Variants in CCDC18 observed in about 807,000 individuals in gnomAD.
CCDC18 encodes coiled-coil domain-containing protein 18.
CCDC18 carries 157 observed loss-of-function variants against 196.0 expected under a neutral mutation model. That is an observed-to-expected ratio of 0.80 (90% CI 0.70 to 0.91). CCDC18 has a LOEUF of 0.91. Among genes scored for constraint, CCDC18 ranks in the 40% least tolerant of loss-of-function variants. The pLI, the probability that CCDC18 is intolerant of heterozygous loss-of-function variation, is 0.00. For synonymous variants in CCDC18, 482 were observed against 529.2 expected (o/e 0.91, Z 1.22); for missense variants, 1,465 against 1,611.6 (o/e 0.91, Z 1.56).
At chr1:93,192,558 A>G (rs578100247) in intron 5 of CCDC18, among the ~76,000 whole-genome samples, 175 of 152,286 alleles carry the variant, frequency 1.1e-3, no homozygotes, top group Non-Finnish European at 1.8e-3. Context: ...CAGCCTCCCA[A>G]GGAGGTGGGA....
In CCDC18 at chr1:93,212,247, G is replaced by C; in HGVS notation, c.1481G>C (p.Gly494Ala). 2 of 1,585,354 alleles carry C rather than the reference G, an allele frequency of 1.3e-6. No homozygotes were observed. The highest frequency in any genetic ancestry group is 1.7e-6 in the Non-Finnish European group (2 of 1,169,108). The change falls in exon 11 of 29, where the codon GGT becomes GCT. Residue 494 changes from glycine to alanine, a missense_variant. Transcript: ENST00000690025. ...SSLETEPVKLGGHQVAESVKD... is the reference protein window; with the variant it reads ...SSLETEPVKLAGHQVAESVKD... ...TTAGAAACAGAACCTGTAAAGCTAG[G>C]TGGTCATCAAGTAGGTAAGTATATT... is the stretch of plus-strand genomic sequence containing the variant.
chr1:93,248,345 G>A (rs1295259451), intron 23 of CCDC18, among the ~76,000 whole-genome samples: 4 of 152,028 alleles, frequency 2.6e-5, no homozygotes, highest in African/African-American at 9.7e-5. Flanking sequence ...AATTTGTTGA[G>A]AGCTTTTATA....
intron 6 of CCDC18, among the ~76,000 whole-genome samples, chr1:93,195,199 G>A (rs1652521409): frequency 6.6e-6 from 1 of 152,188 alleles, no homozygotes; most frequent in Non-Finnish European, 1.5e-5. Context: ...CACAAAGTGA[G>A]TAAGTGGGGG....
Position 93,183,421 on chromosome 1 carries a change from A to G in CCDC18, c.60A>G (p.Ala20=). The G allele has an allele frequency of 6.2e-7, 1 of 1,607,374 alleles. No individual in the cohort carries two copies. Among genetic ancestry groups the G allele is most frequent in the Non-Finnish European group, 8.5e-7 (1 of 1,175,754 alleles). ...ACAATGAAGAGGAAAGTTTGCTTGC[A>G]AATGTTGCTTCCTTAAGACATGAAC... is the stretch of plus-strand genomic sequence containing the variant. ...NKDNEEESLL[A]NVASLRHELK... is the part of the protein sequence containing the mutation. Residue 20 remains alanine (A), a synonymous_variant, in exon 2 of 29, where the codon GCA becomes GCG. Coordinates refer to ENST00000690025, the MANE Select transcript of CCDC18 (RefSeq NM_001378204.1).
chr1:93,197,548 A>T (rs1256784896), intron 6 of CCDC18, among the ~76,000 whole-genome samples: 1 of 151,736 alleles, frequency 6.6e-6, no homozygotes, highest in African/African-American at 2.4e-5. Flanking sequence ...GTGTGTGTAT[A>T]TATATAGCTA....
intron 6 of CCDC18, among the ~76,000 whole-genome samples, chr1:93,196,373 C>T (rs530704183): frequency 2.0e-5 from 3 of 148,002 alleles, no homozygotes; most frequent in African/African-American, 7.3e-5. Context: ...AAATACTCAC[C>T]AAAGCAAAGT....
intron 21 of CCDC18, among the ~76,000 whole-genome samples, chr1:93,245,789 A>G (rs1399237553): frequency 1.3e-5 from 2 of 152,112 alleles, no homozygotes; most frequent in Admixed American, 6.5e-5. Context: ...AAAAATGTGG[A>G]TATGTATTTT....
In CCDC18 at chr1:93,193,692, G is replaced by A. The variant is rs1652224247; in HGVS notation, c.646G>A (p.Glu216Lys). ...ACAGAGTTTGCAGGAGTCCAAAGAGGAATGTATAAAATTAAAGGTGGACTT... is the reference window on the plus strand; with the variant it reads ...ACAGAGTTTGCAGGAGTCCAAAGAGAAATGTATAAAATTAAAGGTGGACTT... Reference protein sequence around the residue: ...KEQSLQESKEECIKLKVDLLE... With the variant: ...KEQSLQESKEKCIKLKVDLLE... The change falls in exon 6 of 29, where the codon GAA becomes AAA. Residue 216 changes from glutamate to lysine, a missense_variant. Physicochemically the swap from Glu to Lys is moderately conservative, Grantham distance 56. Coordinates refer to ENST00000690025, the MANE Select transcript of CCDC18 (RefSeq NM_001378204.1). 6 of 1,588,828 alleles carry A rather than the reference G, an allele frequency of 3.8e-6. No individual in the cohort carries two copies. Among genetic ancestry groups the A allele is most frequent in the Non-Finnish European group, 4.3e-6 (5 of 1,170,276 alleles).
rs1027796112 is a variant in CCDC18, at chr1:93,246,093, G to C, written c.2982-12G>C. On this transcript the variant is annotated splice_polypyrimidine_tract_variant and intron_variant, in intron 21 of 28. Transcript: ENST00000690025. ...CTATCTGCTTTGATCTTTTTCCTTTGATAAATTGTAGAGAATGCAAGATGG... is the reference window on the plus strand; with the variant it reads ...CTATCTGCTTTGATCTTTTTCCTTTCATAAATTGTAGAGAATGCAAGATGG... 25 of 1,553,068 alleles carry C rather than the reference G, an allele frequency of 1.6e-5. No homozygotes were observed. The highest frequency in any genetic ancestry group is 2.0e-5 in the Non-Finnish European group (23 of 1,144,610).
At chr1:93,227,798 A>C (rs1658614372) in intron 17 of CCDC18, among the ~76,000 whole-genome samples, 1 of 151,238 alleles carries the variant, frequency 6.6e-6, no homozygotes, top group African/African-American at 2.4e-5. Context: ...TCTACAAAAA[A>C]ATTAAAAACA....
Position 93,198,489 on chromosome 1 carries a change from G to A in CCDC18, c.699-3403G>A, listed in dbSNP as rs146655989. On this transcript the variant is annotated intron_variant, in intron 6 of 28. Coordinates refer to ENST00000690025, the MANE Select transcript of CCDC18 (RefSeq NM_001378204.1). ...GAATATTCACTGGGAAGGTACACAG[G>A]GGTGCTGGAAGTGTTCTCTATTTGA... is the stretch of plus-strand genomic sequence containing the variant. Among the ~76,000 whole-genome samples the A allele has an allele frequency of 3.5e-4, 54 of 152,266 alleles. 1 individual carries two copies. Among genetic ancestry groups the A allele is most frequent in the South Asian group, 2.9e-3 (14 of 4,824 alleles).
At chr1:93,222,107 C>T (rs1657526406) in intron 16 of CCDC18, among the ~76,000 whole-genome samples, 171 bp downstream of exon 16, 1 of 151,998 alleles carries the variant, frequency 6.6e-6, no homozygotes, top group South Asian at 2.1e-4. Flanking sequence ...GCAGCTAGGA[C>T]AAGCGTGCTT....
At chr1:93,186,172 AAG>A (rs1369875119) in intron 3 of CCDC18, among the ~76,000 whole-genome samples, 171 bp from the exon 4 acceptor site, 1 of 151,974 alleles carries the variant, frequency 6.6e-6, no homozygotes, top group Non-Finnish European at 1.5e-5. Context: ...CCAGCAGTGG[AAG>A]AGAGAGTATT....
rs1656231788 is a variant in CCDC18, at chr1:93,214,873, G to T, written c.1626G>T (p.Leu542Phe). 1 of 1,613,564 alleles carries T rather than the reference G, an allele frequency of 6.2e-7. No homozygotes were observed. The highest frequency in any genetic ancestry group is 1.7e-5 in the Admixed American group (1 of 59,972). Residue 542 changes from leucine (L) to phenylalanine (F), a missense_variant, in exon 12 of 29, where the codon TTG (leucine) becomes TTT (phenylalanine). Transcript: ENST00000690025. ...LIQIEAENSD[L>F]KVNMAHRTSQ... ...AAATAGAAGCTGAAAATTCTGATTT[G>T]AAGGTTAACATGGCTCACAGAACTA... is the stretch of plus-strand genomic sequence containing the variant.
intron 6 of CCDC18, among the ~76,000 whole-genome samples, chr1:93,199,206 C>T (rs755861382): frequency 1.5e-4 from 23 of 152,200 alleles, no homozygotes; most frequent in South Asian, 4.1e-4. Context: ...GCGCTTGGCT[C>T]GTGCTACCAC....
At chr1:93,213,741 G>C (rs774326677) in intron 11 of CCDC18, among the ~76,000 whole-genome samples, 1 of 151,964 alleles carries the variant, frequency 6.6e-6, no homozygotes, top group Non-Finnish European at 1.5e-5. Flanking sequence ...TTTGAGATTT[G>C]GTTTATTGTC....
Position 93,221,863 on chromosome 1 carries a change from TGAAAAA to T in CCDC18, c.2104_2109del (p.Lys702_Lys703del). ...TACTTTTCTTACTGTTTTTAGGAAA[TGAAAAA>T]GGAAAATATGAAGAAAGATGAAGCT... On this transcript the variant is annotated inframe_deletion, in exon 16 of 29. Transcript: ENST00000690025. 4.4e-6 allele frequency: 7 copies of T among 1,596,414 alleles called. No individual in the cohort carries two copies. The highest frequency in any genetic ancestry group is 3.4e-6 in the Non-Finnish European group (4 of 1,171,480).
At chr1:93,225,732 G>T (rs371374968) in intron 16 of CCDC18, among the ~76,000 whole-genome samples, 1 of 150,096 alleles carries the variant, frequency 6.7e-6, no homozygotes, top group Non-Finnish European at 1.5e-5. Context: ...ACCCGAGATC[G>T]CACCACTGCA....
intron 21 of CCDC18, among the ~76,000 whole-genome samples, chr1:93,241,451 C>T (rs367944732): frequency 7.2e-5 from 11 of 151,892 alleles, no homozygotes; most frequent in African/African-American, 2.7e-4. Flanking sequence ...AGACCAGGCG[C>T]GGTGGCTCAC....
Sources: gnomAD v4.1 joint callset for allele counts (sites outside exome capture counted in the v4.1 genomes callset) on GRCh38, gnomAD v4.1.1 for gene constraint, MANE v1.5 for transcripts, NCBI Gene and HGNC (gene_info 2026-07-23, HGNC 2026-07-21) for gene names.